The following LEKR1 variants were observed in gnomAD, a reference collection of about 807,000 sequenced individuals.
LEKR1 encodes the protein protein LEKR1.
In LEKR1, 59 loss-of-function variants were observed where a neutral mutation model predicts 72.4. The ratio of observed to expected loss-of-function variants is 0.82; its 90% CI spans 0.66 to 1.01. LEKR1 has a LOEUF of 1.01. Among genes scored for constraint, LEKR1 ranks in the 50% least tolerant of loss-of-function variants. The pLI is 0.00. For synonymous variants in LEKR1, 257 were observed against 263.2 expected (o/e 0.98, Z 0.23); for missense variants, 728 against 759.2 (o/e 0.96, Z 0.48).
At chr3:156,948,561 A>G (rs908448126) in intron 6 of LEKR1, among the ~76,000 whole-genome samples, 2 of 150,852 alleles carry the variant, frequency 1.3e-5, no homozygotes, top group Non-Finnish European at 3.0e-5. Flanking sequence ...TGAACGTTCA[A>G]TCTGTCATTG....
At chr3:156,848,145 A>G (rs1232267126) in intron 2 of LEKR1, among the ~76,000 whole-genome samples, 2 of 152,208 alleles carry the variant, frequency 1.3e-5, no homozygotes, top group Non-Finnish European at 2.9e-5. Flanking sequence ...AAAATGCAAG[A>G]TGGGCAAAAA....
At chr3:156,988,884 T>C (rs1294775625) in intron 7 of LEKR1, among the ~76,000 whole-genome samples, 3 of 152,112 alleles carry the variant, frequency 2.0e-5, no homozygotes, top group Non-Finnish European at 2.9e-5. Context: ...CAGGCTGGAG[T>C]GCAATGGTGC....
At chr3:156,929,979 T>A (rs921099018) in intron 5 of LEKR1, among the ~76,000 whole-genome samples, 4 of 152,124 alleles carry the variant, frequency 2.6e-5, no homozygotes, top group African/African-American at 9.6e-5. Context: ...AGTTATTCAA[T>A]GATAACTGAC....
At chr3:156,997,185 C>T (rs992287709) in intron 9 of LEKR1, among the ~76,000 whole-genome samples, 7 of 152,252 alleles carry the variant, frequency 4.6e-5, no homozygotes, top group Admixed American at 4.6e-4. Flanking sequence ...TATTCGGTCT[C>T]TTTTCTAGCT....
At chr3:156,925,259 A>G (rs1304534453) in intron 4 of LEKR1, 1 of 151,004 alleles carries the variant, frequency 6.6e-6, no homozygotes, top group Non-Finnish European at 1.5e-5. Context: ...TATATGTATC[A>G]TGTATCCTGT....
intron 3 of LEKR1, among the ~76,000 whole-genome samples, chr3:156,887,462 C>T (rs1215584644): frequency 6.6e-6 from 1 of 151,822 alleles, no homozygotes; most frequent in African/African-American, 2.4e-5. Flanking sequence ...GGATATGTTA[C>T]TTCATATTTA....
intron 3 of LEKR1, among the ~76,000 whole-genome samples, chr3:156,860,400 C>T (rs995678374): frequency 6.6e-6 from 1 of 152,042 alleles, no homozygotes; most frequent in Admixed American, 6.6e-5. Flanking sequence ...GTAATGTAGG[C>T]TTGTTTATGA....
intron 5 of LEKR1, among the ~76,000 whole-genome samples, chr3:156,937,523 T>G (rs773202928): frequency 6.6e-6 from 1 of 152,176 alleles, no homozygotes; most frequent in Non-Finnish European, 1.5e-5. Context: ...CCATATTAAG[T>G]CTTGACATGG....
Position 156,927,499 on chromosome 3 carries a change from C to T in LEKR1, c.454C>T (p.Leu152=). 1 of 1,194,510 alleles carries T rather than the reference C, an allele frequency of 8.4e-7. No homozygotes were observed. Among genetic ancestry groups the T allele is most frequent in the Non-Finnish European group, 1.1e-6 (1 of 933,804 alleles). The allele number at this position is 1,194,510 out of a possible 1,614,324, so 74.0% of individuals were successfully genotyped here. A position where few individuals can be genotyped will look rare whatever the true frequency, so the allele number is the denominator to read the frequency against. ...ATTACTTACTTTTACTAAAAGGGAA[C>T]TAACCAGTATTAAAAATGAAGTATA... The part of the protein sequence containing the change: ...LSLLTFTKRE[L]TSIKNEVYDN... The change falls in exon 5 of 13, where the codon CTA becomes TTA. Residue 152 remains leucine, a synonymous_variant. Transcript: ENST00000356539.
intron 3 of LEKR1, among the ~76,000 whole-genome samples, chr3:156,906,131 T>A (rs1327420684): frequency 6.6e-6 from 1 of 152,194 alleles, no homozygotes; most frequent in African/African-American, 2.4e-5. Context: ...GGCCGCTTTC[T>A]TGTGTTTTCT....
intron 3 of LEKR1, among the ~76,000 whole-genome samples, chr3:156,865,421 CAT>C (rs1426705479): frequency 2.0e-5 from 3 of 152,010 alleles, no homozygotes; most frequent in Non-Finnish European, 4.4e-5. Flanking sequence ...TTTAATAAAA[CAT>C]ATGAATGGCT....
chr3:156,870,773 T>C (rs553751599), intron 3 of LEKR1, among the ~76,000 whole-genome samples: 134 of 152,240 alleles, frequency 8.8e-4, no homozygotes, highest in Non-Finnish European at 5.6e-4. Context: ...GGGAAAGGCT[T>C]TCAGCTCTTC....
intron 6 of LEKR1, among the ~76,000 whole-genome samples, chr3:156,960,738 G>A (rs1354112126): frequency 1.3e-5 from 2 of 152,092 alleles, no homozygotes; most frequent in Non-Finnish European, 2.9e-5. Context: ...TTTAATAGTG[G>A]TTTAGGAGTA....
intron 5 of LEKR1, among the ~76,000 whole-genome samples, chr3:156,928,559 T>C (rs1351684667): frequency 5.3e-5 from 8 of 152,050 alleles, no homozygotes; most frequent in Non-Finnish European, 7.4e-5. Flanking sequence ...GTTTGCTCCA[T>C]GCAAAGAAGC....
At chr3:157,010,455 G>T (rs1732801879) in intron 9 of LEKR1, among the ~76,000 whole-genome samples, 1 of 152,060 alleles carries the variant, frequency 6.6e-6, no homozygotes, top group African/African-American at 2.4e-5. Flanking sequence ...GGTTTTTGAT[G>T]TATAAAATTT....
chr3:156,949,278 G>A (rs1260495761), intron 6 of LEKR1, among the ~76,000 whole-genome samples: 4 of 151,388 alleles, frequency 2.6e-5, no homozygotes, highest in Admixed American at 2.0e-4. Context: ...TGTCTTCCAG[G>A]GTTTTTATAG....
At chr3:157,006,539 A>G (rs1732453059) in intron 9 of LEKR1, among the ~76,000 whole-genome samples, 1 of 152,230 alleles carries the variant, frequency 6.6e-6, no homozygotes, top group African/African-American at 2.4e-5. Context: ...ATATCAATAC[A>G]AAAACTTGTA....
At chr3:156,883,174 G>GA (rs1217493083) in intron 3 of LEKR1, among the ~76,000 whole-genome samples, 7 of 150,392 alleles carry the variant, frequency 4.7e-5, no homozygotes, top group East Asian at 3.9e-4. Flanking sequence ...ACGAAAGAAA[G>GA]AAAAAAAAAG....
chr3:157,013,813 C>A (rs1733094520), intron 10 of LEKR1, among the ~76,000 whole-genome samples: 2 of 151,876 alleles, frequency 1.3e-5, no homozygotes. Context: ...TGTGCCTTTG[C>A]CAAAGAATGA....
Sources: gnomAD v4.1 joint callset for allele counts (sites outside exome capture counted in the v4.1 genomes callset) on GRCh38, gnomAD v4.1.1 for gene constraint, MANE v1.5 for transcripts, NCBI Gene and HGNC (gene_info 2026-07-23, HGNC 2026-07-21) for gene names.